PDE3B: variants seen among roughly 807,000 people sequenced by gnomAD.
PDE3B encodes cGMP-inhibited 3',5'-cyclic phosphodiesterase 3B.
Under a neutral mutation model 116.8 loss-of-function variants are expected in PDE3B, and 66 were observed. That is an observed-to-expected ratio of 0.56 (90% CI 0.46 to 0.69). The LOEUF (loss-of-function observed/expected upper bound fraction) is 0.69. PDE3B is among the 30% of genes least tolerant of loss of function. PDE3B has a pLI of 0.00. For missense variants in PDE3B, 1,384 were observed against 1,368.1 expected (o/e 1.01, Z -0.18); for synonymous variants, 595 against 533.6 (o/e 1.12, Z -1.59).
At chr11:14,676,006 T>G (rs775099153) in intron 1 of PDE3B, among the ~76,000 whole-genome samples, 19 of 152,150 alleles carry the variant, frequency 1.2e-4, no homozygotes, top group Non-Finnish European at 2.2e-4. Context: ...ACCAGCAATA[T>G]ATGAGAGTTC....
At chr11:14,845,364 G>C (rs995441498) in intron 12 of PDE3B, among the ~76,000 whole-genome samples, 12 of 152,036 alleles carry the variant, frequency 7.9e-5, no homozygotes, top group African/African-American at 2.9e-4. Flanking sequence ...AAGACCAAAA[G>C]TAGATAAAAC....
intron 11 of PDE3B, among the ~76,000 whole-genome samples, chr11:14,835,430 GT>G (rs1298305542): frequency 2.7e-5 from 4 of 148,484 alleles, no homozygotes; most frequent in African/African-American, 1.0e-4. Context: ...TTAGTCCTTT[GT>G]TTTTTTAAAA....
At chr11:14,748,977 C>T (rs560634181) in intron 1 of PDE3B, among the ~76,000 whole-genome samples, 13 of 151,778 alleles carry the variant, frequency 8.6e-5, no homozygotes, top group South Asian at 2.1e-4. Context: ...CAGCTTCCGC[C>T]GCCTGGGTTC....
At chr11:14,865,131 A>G (rs1235610949) in intron 14 of PDE3B, among the ~76,000 whole-genome samples, 1 of 152,198 alleles carries the variant, frequency 6.6e-6, no homozygotes, top group Non-Finnish European at 1.5e-5. Context: ...AATAGACACA[A>G]TAAAAAATGA....
intron 1 of PDE3B, among the ~76,000 whole-genome samples, chr11:14,657,580 A>C (rs1853751230): frequency 6.6e-6 from 1 of 152,192 alleles, no homozygotes; most frequent in Non-Finnish European, 1.5e-5. Context: ...AGTGTTTATC[A>C]TTATGTAAGT....
At chr11:14,847,576 A>C (rs1052487872) in intron 12 of PDE3B, among the ~76,000 whole-genome samples, 4 of 152,086 alleles carry the variant, frequency 2.6e-5, no homozygotes, top group Non-Finnish European at 5.9e-5. Context: ...AGGATCAACA[A>C]AATTGATAGA....
chr11:14,781,979 G>A (rs1050329413), intron 2 of PDE3B, among the ~76,000 whole-genome samples: 2 of 152,126 alleles, frequency 1.3e-5, no homozygotes, highest in Non-Finnish European at 2.9e-5. Context: ...GGATACAAAA[G>A]CAATGTGCAG....
chr11:14,882,787 C>G, the PDE3B span, among the ~76,000 whole-genome samples: 1 of 152,200 alleles, frequency 6.6e-6, no homozygotes, highest in Non-Finnish European at 1.5e-5. Flanking sequence ...GAAAACCCCA[C>G]TGTCTCAGCC....
chr11:14,888,404 T>C, the PDE3B span, among the ~76,000 whole-genome samples: 1 of 152,194 alleles, frequency 6.6e-6, no homozygotes, highest in African/African-American at 2.4e-5. Flanking sequence ...ATGGGCTAAA[T>C]GCTAATAACA....
the PDE3B span, among the ~76,000 whole-genome samples, chr11:14,882,747 C>G: frequency 1.3e-5 from 2 of 152,210 alleles, no homozygotes; most frequent in Non-Finnish European, 2.9e-5. Context: ...CAAATTGTCT[C>G]TGTTTGCAGA....
chr11:14,821,402 G>A (rs537660698), intron 7 of PDE3B, among the ~76,000 whole-genome samples: 1 of 152,180 alleles, frequency 6.6e-6, no homozygotes, highest in Non-Finnish European at 1.5e-5. Flanking sequence ...TCAGAAAAGT[G>A]TTTGGGACAA....
chr11:14,735,148 T>C (rs557682628), intron 1 of PDE3B, among the ~76,000 whole-genome samples: 1 of 152,204 alleles, frequency 6.6e-6, no homozygotes, highest in Non-Finnish European at 1.5e-5. Flanking sequence ...TCGATCATAA[T>C]GCTTGAGAAG....
chr11:14,822,689 CA>C (rs1211422014), intron 7 of PDE3B, among the ~76,000 whole-genome samples: 1 of 152,212 alleles, frequency 6.6e-6, no homozygotes, highest in Non-Finnish European at 1.5e-5. Context: ...TGTGGAGCCC[CA>C]GGAGCTATAG....
intron 7 of PDE3B, among the ~76,000 whole-genome samples, chr11:14,829,443 G>A (rs1176672419): frequency 1.3e-5 from 2 of 152,056 alleles, no homozygotes; most frequent in African/African-American, 4.8e-5. Flanking sequence ...TAGTGGAAAA[G>A]TAATAAATGA....
At chr11:14,827,722 T>G (rs190506833) in intron 7 of PDE3B, among the ~76,000 whole-genome samples, 127 of 152,294 alleles carry the variant, frequency 8.3e-4, no homozygotes, top group African/African-American at 2.8e-3. Flanking sequence ...ATCAATATCA[T>G]TAAAATGGTC....
the PDE3B span, chr11:14,887,538 C>A: frequency 3.2e-6 from 3 of 925,036 alleles, no homozygotes; most frequent in African/African-American, 5.4e-5. Flanking sequence ...CTTATATATT[C>A]TTTGATTTAT....
rs573261216 is a variant in PDE3B at position 14,781,315 on chromosome 11, A to G, written c.1030-5122A>G. On this transcript the variant is annotated intron_variant, in intron 2 of 15. Transcript: ENST00000282096. The stretch of plus-strand genomic sequence containing the variant: ...GGAATCCTCCCTAACTGATTTTATG[A>G]GGCCAGCAGCATCCTGATACCAAAG... Among the ~76,000 whole-genome samples the G allele has an allele frequency of 5.9e-5, 9 of 152,354 alleles. No homozygotes were observed. The South Asian group carries it at 1.7e-3, about 28-fold the overall frequency.
At chr11:14,753,771 C>A (rs1167295446) in intron 1 of PDE3B, among the ~76,000 whole-genome samples, 1 of 152,020 alleles carries the variant, frequency 6.6e-6, no homozygotes, top group East Asian at 1.9e-4. Context: ...ATATACACAA[C>A]AACTTAAAAT....
chr11:14,797,791 C>G (rs1285585712), intron 4 of PDE3B, among the ~76,000 whole-genome samples: 1 of 152,136 alleles, frequency 6.6e-6, no homozygotes, highest in East Asian at 1.9e-4. Flanking sequence ...TATCCTGACA[C>G]TTTTCTGAAG....
Sources: allele counts gnomAD v4.1 joint callset (sites outside exome capture counted in the v4.1 genomes callset), GRCh38; gene constraint gnomAD v4.1.1; transcripts MANE v1.5; gene names NCBI Gene and HGNC (gene_info 2026-07-23, HGNC 2026-07-21).